The following GABRG3 variants were observed in gnomAD, a reference collection of about 807,000 sequenced individuals.
GABRG3 encodes the protein gamma-aminobutyric acid receptor subunit gamma-3.
GABRG3 carries 25 observed loss-of-function variants against 48.8 expected under a neutral mutation model. That is an observed-to-expected ratio of 0.51 (90% CI 0.37 to 0.72). The LOEUF (loss-of-function observed/expected upper bound fraction) is 0.72, where lower values mean the gene tolerates loss of function less well. Ranked by LOEUF, GABRG3 falls within the 30% of genes least tolerant of loss-of-function variation. The pLI, the probability that GABRG3 is intolerant of heterozygous loss-of-function variation, is 0.00. For synonymous variants in GABRG3, 227 were observed against 217.6 expected, an observed-to-expected ratio of 1.04 and a Z score of -0.38; for missense variants, 394 against 577.9, an observed-to-expected ratio of 0.68 and a Z score of 3.26.
chr15:27,013,029 G>T (rs976735918), intron 2 of GABRG3, among the ~76,000 whole-genome samples: 2 of 152,142 alleles, frequency 1.3e-5, no homozygotes, highest in Non-Finnish European at 2.9e-5. Flanking sequence ...ATTGGAAGGT[G>T]AAAGAAATTT....
intron 6 of GABRG3, chr15:27,481,036 C>T: frequency 1.5e-6 from 2 of 1,294,706 alleles, no homozygotes; most frequent in Non-Finnish European, 2.0e-6. Context: ...TAGCTATAAA[C>T]TTAACCTAAC....
At chr15:27,501,063 T>C (rs1470295647) in intron 6 of GABRG3, among the ~76,000 whole-genome samples, 4 of 149,796 alleles carry the variant, frequency 2.7e-5, no homozygotes, top group Non-Finnish European at 4.4e-5. Context: ...ACCATTCTCC[T>C]GCCTCAGCCT....
At chr15:27,108,172 C>T (rs987140115) in intron 3 of GABRG3, among the ~76,000 whole-genome samples, 1 of 151,840 alleles carries the variant, frequency 6.6e-6, no homozygotes, top group African/African-American at 2.4e-5. Flanking sequence ...TGATTCTTTT[C>T]TAATACATTT....
At chr15:27,415,285 C>T (rs1036454251) in intron 5 of GABRG3, among the ~76,000 whole-genome samples, 1 of 152,118 alleles carries the variant, frequency 6.6e-6, no homozygotes, top group African/African-American at 2.4e-5. Flanking sequence ...TCCTCAAGCT[C>T]AGAGATGTTT....
intron 3 of GABRG3, among the ~76,000 whole-genome samples, chr15:27,089,321 C>T (rs1291599369): frequency 6.6e-6 from 1 of 152,100 alleles, no homozygotes; most frequent in African/African-American, 2.4e-5. Context: ...GCGAGGTGGA[C>T]CTGCTGCCTG....
At chr15:27,165,414 G>A (rs1049035368) in intron 3 of GABRG3, among the ~76,000 whole-genome samples, 14 of 152,184 alleles carry the variant, frequency 9.2e-5, no homozygotes, top group Non-Finnish European at 1.3e-4. Context: ...GGAAAATTCT[G>A]TGTGAAAATG....
chr15:27,339,543 A>G (rs556621826), intron 5 of GABRG3, among the ~76,000 whole-genome samples: 1 of 152,230 alleles, frequency 6.6e-6, no homozygotes, highest in Non-Finnish European at 1.5e-5. Flanking sequence ...CACCTTGTGG[A>G]ATGGGAGGCT....
chr15:27,086,939 AG>A (rs1897087008), intron 3 of GABRG3, among the ~76,000 whole-genome samples: 1 of 152,218 alleles, frequency 6.6e-6, no homozygotes, highest in African/African-American at 2.4e-5. Context: ...GGACAGGGAA[AG>A]GAACCCCTCT....
chr15:27,442,743 T>C (rs1888829076), intron 5 of GABRG3, among the ~76,000 whole-genome samples: 1 of 152,236 alleles, frequency 6.6e-6, no homozygotes, highest in South Asian at 2.1e-4. Flanking sequence ...TCTGACCCCT[T>C]TATACAGAGA....
At chr15:27,510,584 C>G (rs1566873288) in intron 6 of GABRG3, among the ~76,000 whole-genome samples, 1 of 152,190 alleles carries the variant, frequency 6.6e-6, no homozygotes, top group Non-Finnish European at 1.5e-5. Flanking sequence ...CTTTATCCTC[C>G]ATTTAAAAAG....
Position 27,527,603 on chromosome 15 carries a change from C to G in GABRG3, c.1036C>G (p.Pro346Ala). 2 of 1,612,004 alleles carry G rather than the reference C, an allele frequency of 1.2e-6. No homozygotes were observed. The highest frequency in any genetic ancestry group is 1.1e-5 in the South Asian group (1 of 90,722). The change falls in exon 8 of 10, where the codon CCA becomes GCA. Residue 346 changes from proline to alanine, a missense_variant. Physicochemically the swap from Pro to Ala is conservative, Grantham distance 27 (BLOSUM62 -1). Transcript: ENST00000615808. Reference sequence around the variant, plus strand: ...CAACTACTATTCCAGCTGTAGAAAACCAACCACCACGAAGAAGACAACATC... The same window carrying G: ...CAACTACTATTCCAGCTGTAGAAAAGCAACCACCACGAAGAAGACAACATC... ...TLNYYSSCRKPTTTKKTTSLL... is the reference protein window; with the variant it reads ...TLNYYSSCRKATTTKKTTSLL...
intron 5 of GABRG3, among the ~76,000 whole-genome samples, chr15:27,397,994 T>C (rs1000910379): frequency 3.3e-5 from 5 of 151,916 alleles, no homozygotes; most frequent in Non-Finnish European, 5.9e-5. Context: ...TTAGTTGAGA[T>C]GGGGTTTCAC....
intron 5 of GABRG3, among the ~76,000 whole-genome samples, chr15:27,331,954 TAA>T (rs201449979): frequency 0.02 from 2,900 of 146,578 alleles, 88 homozygotes; most frequent in African/African-American, 0.066. Flanking sequence ...ATTATCAAAT[TAA>T]AAAAAAAAAA....
chr15:27,088,101 G>A (rs543971972), intron 3 of GABRG3, among the ~76,000 whole-genome samples: 7 of 137,718 alleles, frequency 5.1e-5, no homozygotes, highest in African/African-American at 1.6e-4. Flanking sequence ...GTGATGTGCC[G>A]TGGTTGTGTG....
In GABRG3 at chr15:27,336,241, A is replaced by AAAAG. The variant is rs1318365230; in HGVS notation, c.574+7365_574+7368dup. 5.4e-5 allele frequency among the ~76,000 whole-genome samples: 8 copies of AAAAG among 147,602 alleles called. 1 individual carries two copies. In the East Asian group the frequency reaches 1.6e-3, roughly 29 times the overall value. On this transcript the variant is annotated intron_variant, in intron 5 of 9. Coordinates refer to ENST00000615808, the MANE Select transcript of GABRG3 (RefSeq NM_033223.5). Reference sequence around the variant, plus strand: ...GAGAGAGAGAGAGAGAGAGGAGAAGAAAAGAAAGAAAGAAAAAGAAAGAAA... The same window carrying AAAAG: ...GAGAGAGAGAGAGAGAGAGGAGAAGAAAAGAAAGAAAGAAAGAAAAAGAAAGAAA...
intron 3 of GABRG3, among the ~76,000 whole-genome samples, chr15:27,119,768 C>T (rs1455303395): frequency 6.6e-6 from 1 of 152,212 alleles, no homozygotes; most frequent in Non-Finnish European, 1.5e-5. Context: ...CAGCTCCCAG[C>T]CACTGCTCTC....
At chr15:27,202,734 A>G (rs1888727792) in intron 3 of GABRG3, among the ~76,000 whole-genome samples, 1 of 152,082 alleles carries the variant, frequency 6.6e-6, no homozygotes, top group African/African-American at 2.4e-5. Context: ...ATTCTTACCC[A>G]TATACCTCTT....
chr15:27,333,589 C>A (rs1893871683), intron 5 of GABRG3, among the ~76,000 whole-genome samples: 1 of 152,202 alleles, frequency 6.6e-6, no homozygotes, highest in Non-Finnish European at 1.5e-5. Context: ...AGATCCTTCA[C>A]TTACTCACAT....
At chr15:27,035,668 A>G (rs565395342) in intron 3 of GABRG3, among the ~76,000 whole-genome samples, 2 of 152,334 alleles carry the variant, frequency 1.3e-5, no homozygotes, top group East Asian at 3.9e-4. Context: ...CCACTTGCCT[A>G]GAGACAGGGA....
Sources: gnomAD v4.1 joint callset for allele counts (sites outside exome capture counted in the v4.1 genomes callset) on GRCh38, gnomAD v4.1.1 for gene constraint, MANE v1.5 for transcripts, NCBI Gene and HGNC (gene_info 2026-07-23, HGNC 2026-07-21) for gene names.